Variants in AUTS2 observed in about 807,000 individuals in gnomAD.
AUTS2 encodes the protein activator of transcription and developmental regulator AUTS2, also known as autism susceptibility gene 2 protein.
A neutral mutation model predicts 112.4 loss-of-function variants in AUTS2; 17 were observed. That is an observed-to-expected ratio of 0.15 (90% CI 0.10 to 0.23). AUTS2 has a LOEUF of 0.23. AUTS2 is among the 10% of genes least tolerant of loss of function. The pLI is 1.00. For missense variants in AUTS2, 1,510 were observed against 1,701.6 expected (o/e 0.89, Z 1.98); for synonymous variants, 751 against 702.7 (o/e 1.07, Z -1.09).
At chr7:70,044,932 GTT>G (rs35251988) in intron 2 of AUTS2, among the ~76,000 whole-genome samples, 53 of 146,596 alleles carry the variant, frequency 3.6e-4, no homozygotes, top group Middle Eastern at 3.5e-3. Context: ...CCCATAGCAT[GTT>G]TTTTTTTTTT....
intron 2 of AUTS2, among the ~76,000 whole-genome samples, chr7:70,077,268 T>C (rs1036996959): frequency 6.6e-6 from 1 of 152,174 alleles, no homozygotes; most frequent in Non-Finnish European, 1.5e-5. Context: ...GGATGGTTCT[T>C]ATGGTCACTA....
chr7:69,935,898 A>T (rs1038761880), intron 2 of AUTS2, among the ~76,000 whole-genome samples: 2 of 152,162 alleles, frequency 1.3e-5, no homozygotes, highest in Non-Finnish European at 2.9e-5. Flanking sequence ...TTGATGCAGG[A>T]TGGGACCAAC....
intron 4 of AUTS2, among the ~76,000 whole-genome samples, chr7:70,222,588 A>G (rs1323065526): frequency 1.3e-5 from 2 of 151,936 alleles, no homozygotes; most frequent in Non-Finnish European, 2.9e-5. Context: ...GTAAAAGCCT[A>G]CAACTGGTAG....
chr7:70,045,077 T>G (rs770364702), intron 2 of AUTS2, among the ~76,000 whole-genome samples: 7 of 152,140 alleles, frequency 4.6e-5, no homozygotes, highest in Non-Finnish European at 8.8e-5. Flanking sequence ...CTGACTGGTA[T>G]ATTTCAGTTA....
intron 5 of AUTS2, among the ~76,000 whole-genome samples, chr7:70,578,237 T>C (rs2129526679): frequency 6.6e-6 from 1 of 152,366 alleles, no homozygotes; most frequent in African/African-American, 2.4e-5. Flanking sequence ...AAAGATCATC[T>C]AGTCTAGAGA....
At chr7:70,260,066 TA>T (rs1787083955) in intron 4 of AUTS2, among the ~76,000 whole-genome samples, 1 of 152,092 alleles carries the variant, frequency 6.6e-6, no homozygotes, top group South Asian at 2.1e-4. Context: ...ACAGAATACC[TA>T]AAACTAGATA....
chr7:70,678,315 A>C (rs981972825), intron 5 of AUTS2, among the ~76,000 whole-genome samples: 2 of 152,196 alleles, frequency 1.3e-5, no homozygotes, highest in Non-Finnish European at 2.9e-5. Context: ...TGCTTAATAC[A>C]CATACAATAC....
intron 2 of AUTS2, among the ~76,000 whole-genome samples, chr7:69,965,474 C>T (rs577983408): frequency 6.6e-6 from 1 of 152,246 alleles, no homozygotes; most frequent in East Asian, 1.9e-4. Context: ...GCAGCAATAA[C>T]ATTGTCCGAT....
intron 1 of AUTS2, among the ~76,000 whole-genome samples, chr7:69,639,877 C>T (rs965058719): frequency 1.3e-5 from 2 of 152,170 alleles, no homozygotes; most frequent in East Asian, 1.9e-4. Context: ...ACCCAGGTGG[C>T]GGATGGTTAC....
intron 5 of AUTS2, among the ~76,000 whole-genome samples, chr7:70,586,238 A>T (rs1802683599): frequency 6.6e-6 from 1 of 152,196 alleles, no homozygotes; most frequent in African/African-American, 2.4e-5. Flanking sequence ...AAAAGTATAA[A>T]TGCCATACCG....
chr7:69,921,762 TA>T (rs35008506), intron 2 of AUTS2, among the ~76,000 whole-genome samples: 13,806 of 100,546 alleles, frequency 0.14, 712 homozygotes, highest in Middle Eastern at 0.16. Context: ...ACTCTGTCTT[TA>T]AAAAAAAAAA....
chr7:70,336,449 A>G (rs750860189), intron 4 of AUTS2, among the ~76,000 whole-genome samples: 6 of 152,160 alleles, frequency 3.9e-5, no homozygotes, highest in Non-Finnish European at 7.3e-5. Flanking sequence ...ATTTGCCCAC[A>G]TGGAGGGTGA....
rs200035557 is a variant in AUTS2, at chr7:70,206,508, G to A, written c.660+71937G>A. Among the ~76,000 whole-genome samples the A allele has an allele frequency of 5.3e-5, 8 of 152,222 alleles. No individual in the cohort carries two copies. The East Asian group carries it at 1.5e-3, about 29-fold the overall frequency. ...GATTTAAAATTCCACAAAATCTATG[G>A]AATTTCAGCCTCTTAAGTAACCTGG... On this transcript the variant is annotated intron_variant, in intron 4 of 18. Transcript: ENST00000342771.
At chr7:69,921,194 GTT>G (rs1489493011) in intron 2 of AUTS2, among the ~76,000 whole-genome samples, 1 of 152,046 alleles carries the variant, frequency 6.6e-6, no homozygotes, top group Non-Finnish European at 1.5e-5. Flanking sequence ...TGACTTTCTT[GTT>G]GGATTGACTA....
intron 5 of AUTS2, among the ~76,000 whole-genome samples, chr7:70,531,432 A>G (rs1800083587): frequency 1.3e-5 from 2 of 152,170 alleles, no homozygotes; most frequent in Non-Finnish European, 2.9e-5. Context: ...TTATAAAGAA[A>G]AGAGGTTTAT....
chr7:70,609,917 T>A (rs1005407242), intron 5 of AUTS2, among the ~76,000 whole-genome samples: 1 of 152,170 alleles, frequency 6.6e-6, no homozygotes, highest in Non-Finnish European at 1.5e-5. Flanking sequence ...TTTGGATACA[T>A]ACCCTAAAGT....
intron 14 of AUTS2, among the ~76,000 whole-genome samples, chr7:70,778,113 T>TTCCA (rs1790824905): frequency 6.6e-6 from 1 of 152,202 alleles, no homozygotes; most frequent in Non-Finnish European, 1.5e-5. Context: ...GATGAACATA[T>TTCCA]TCCATGTTCT....
chr7:70,104,896 A>G (rs1414667685), intron 2 of AUTS2, among the ~76,000 whole-genome samples: 3 of 152,142 alleles, frequency 2.0e-5, no homozygotes, highest in Admixed American at 2.0e-4. Flanking sequence ...ATGAGAATCT[A>G]TTAAACAGAG....
chr7:69,625,293 A>T (rs1229279543), intron 1 of AUTS2, among the ~76,000 whole-genome samples: 2 of 152,212 alleles, frequency 1.3e-5, no homozygotes, highest in African/African-American at 4.8e-5. Context: ...GGAAGCCACA[A>T]AGTGCCTGTG....
Sources: gnomAD v4.1 joint callset for allele counts (sites outside exome capture counted in the v4.1 genomes callset) on GRCh38, gnomAD v4.1.1 for gene constraint, MANE v1.5 for transcripts, NCBI Gene and HGNC (gene_info 2026-07-23, HGNC 2026-07-21) for gene names.